Variants in NFIA observed in about 807,000 individuals in gnomAD.
NFIA encodes nuclear factor 1 A-type.
In NFIA, 8 loss-of-function variants were observed where a neutral mutation model predicts 62.8. The ratio of observed to expected loss-of-function variants is 0.13; its 90% CI spans 0.07 to 0.23. The LOEUF (loss-of-function observed/expected upper bound fraction) is 0.23. Among genes scored for constraint, NFIA ranks in the 10% least tolerant of loss-of-function variants. The pLI is 1.00. For missense variants in NFIA, 410 were observed against 642.1 expected (o/e 0.64, Z 3.91); for synonymous variants, 235 against 238.1 (o/e 0.99, Z 0.12).
intron 7 of NFIA, among the ~76,000 whole-genome samples, chr1:61,391,435 A>AACACACACACACAC (rs60938787): frequency 8.0e-6 from 1 of 124,602 alleles, no homozygotes; most frequent in Admixed American, 8.1e-5. Flanking sequence ...TTATGAATCA[A>AACACACACACACAC]ACACACACAC....
At chr1:61,098,002 C>A (rs1646445759) in intron 2 of NFIA, among the ~76,000 whole-genome samples, 1 of 152,166 alleles carries the variant, frequency 6.6e-6, no homozygotes, top group Non-Finnish European at 1.5e-5. Context: ...TCAAGCCCTT[C>A]TTCGTGGCAT....
At chr1:61,412,347 G>C (rs986932838) in intron 9 of NFIA, among the ~76,000 whole-genome samples, 1 of 152,148 alleles carries the variant, frequency 6.6e-6, no homozygotes, top group African/African-American at 2.4e-5. Flanking sequence ...GGTTGATAGG[G>C]AGGGGCACTT....
intron 2 of NFIA, among the ~76,000 whole-genome samples, chr1:61,090,959 C>T (rs962417107): frequency 3.3e-5 from 5 of 152,318 alleles, no homozygotes; most frequent in African/African-American, 1.2e-4. Flanking sequence ...GGTCAACTTA[C>T]ATACAACTGA....
intron 2 of NFIA, among the ~76,000 whole-genome samples, chr1:61,114,149 A>G (rs1646756621): frequency 1.3e-5 from 2 of 152,222 alleles, no homozygotes; most frequent in South Asian, 2.1e-4. Flanking sequence ...GAGATAATAC[A>G]TGGTTTCTGA....
chr1:61,352,407 T>G (rs749556318), intron 4 of NFIA, 43 bp from the exon 5 acceptor site: 1 of 1,376,942 alleles, frequency 7.3e-7, no homozygotes, highest in South Asian at 1.2e-5. Context: ...GATTTTTTTA[T>G]CCACAGAATT....
intron 2 of NFIA, among the ~76,000 whole-genome samples, chr1:61,223,772 C>T (rs1488444480): frequency 2.0e-5 from 3 of 152,060 alleles, no homozygotes; most frequent in Admixed American, 2.0e-4. Flanking sequence ...TCTAATTGGA[C>T]AACTCTGTGA....
intron 3 of NFIA, among the ~76,000 whole-genome samples, chr1:61,303,147 G>A (rs1188031684): frequency 6.6e-6 from 1 of 152,164 alleles, no homozygotes; most frequent in Non-Finnish European, 1.5e-5. Flanking sequence ...TATTGGTGAG[G>A]AAACTGAGGC....
intron 2 of NFIA, among the ~76,000 whole-genome samples, chr1:61,203,005 AT>A (rs1245923267): frequency 1.3e-5 from 2 of 152,248 alleles, no homozygotes; most frequent in Non-Finnish European, 2.9e-5. Flanking sequence ...TGCTTCACTT[AT>A]TTTGAATTAT....
chr1:61,279,259 T>A (rs1657992182), intron 3 of NFIA, among the ~76,000 whole-genome samples: 1 of 152,208 alleles, frequency 6.6e-6, no homozygotes, highest in Non-Finnish European at 1.5e-5. Flanking sequence ...TTTCAGAATA[T>A]GTTTCATTTC....
intron 9 of NFIA, among the ~76,000 whole-genome samples, chr1:61,420,126 G>C (rs1666539780): frequency 6.6e-6 from 1 of 152,220 alleles, no homozygotes; most frequent in South Asian, 2.1e-4. Context: ...TTTTTAAAAG[G>C]CTGTTTCTCT....
chr1:61,185,104 A>G (rs1651066959), intron 2 of NFIA, among the ~76,000 whole-genome samples: 1 of 152,208 alleles, frequency 6.6e-6, no homozygotes, highest in African/African-American at 2.4e-5. Context: ...TTTGGGGGGT[A>G]ACAGAAAACT....
At chr1:61,129,490 C>CTTTTTTTTTTTTTT (rs1647036608) in intron 2 of NFIA, among the ~76,000 whole-genome samples, 1 of 150,428 alleles carries the variant, frequency 6.6e-6, no homozygotes, top group African/African-American at 2.5e-5. Context: ...CACTCTGTCG[C>CTTTTTTTTTTTTTT]CCTGGCTGGA....
chr1:61,287,041 A>T (rs1658547644), intron 3 of NFIA, among the ~76,000 whole-genome samples: 1 of 152,206 alleles, frequency 6.6e-6, no homozygotes, highest in South Asian at 2.1e-4. Context: ...TGGATCTTGT[A>T]AGCCAAGGAA....
intron 10 of NFIA, among the ~76,000 whole-genome samples, chr1:61,440,353 T>G (rs1026591994): frequency 4.6e-5 from 7 of 152,360 alleles, no homozygotes; most frequent in African/African-American, 1.7e-4. Flanking sequence ...TAAATTACTC[T>G]GCTGTTCTGT....
intron 2 of NFIA, among the ~76,000 whole-genome samples, chr1:61,217,892 A>T (rs1653747219): frequency 2.0e-5 from 3 of 152,210 alleles, no homozygotes. Context: ...CAATTTCTTC[A>T]GCTCCTAAAA....
intron 2 of NFIA, among the ~76,000 whole-genome samples, chr1:61,093,977 A>G (rs1646368362): frequency 6.6e-6 from 1 of 152,248 alleles, no homozygotes; most frequent in Non-Finnish European, 1.5e-5. Flanking sequence ...TCCAGAGGAC[A>G]CGGGACAGCC....
At chr1:61,250,944 T>C (rs1386076512) in intron 2 of NFIA, 1 of 152,198 alleles carries the variant, frequency 6.6e-6, no homozygotes, top group African/African-American at 2.4e-5. Context: ...CATCTCTTTC[T>C]TACTGTTTTG....
chr1:61,320,092 A>G (rs1396913038), intron 3 of NFIA, among the ~76,000 whole-genome samples: 2 of 151,138 alleles, frequency 1.3e-5, no homozygotes, highest in Admixed American at 6.6e-5. Context: ...TTCTCTTCCA[A>G]CCACTCCCAT....
intron 6 of NFIA, among the ~76,000 whole-genome samples, chr1:61,375,021 C>CT (rs1253240745): frequency 6.6e-6 from 1 of 152,208 alleles, no homozygotes; most frequent in African/African-American, 2.4e-5. Context: ...ATCACGCAGC[C>CT]TGTGTTTATG....
Sources: gnomAD v4.1 joint callset for allele counts (sites outside exome capture counted in the v4.1 genomes callset) on GRCh38, gnomAD v4.1.1 for gene constraint, MANE v1.5 for transcripts, NCBI Gene and HGNC (gene_info 2026-07-23, HGNC 2026-07-21) for gene names.